Variants in CAPS2 observed in about 807,000 individuals in gnomAD.
CAPS2 encodes the protein calcyphosine 2, also known as calcyphosin-2.
CAPS2 carries 98 observed loss-of-function variants against 86.5 expected under a neutral mutation model. That is an observed-to-expected ratio of 1.13 (90% confidence interval 0.96 to 1.34). CAPS2 has a LOEUF of 1.34. Ranked by LOEUF, CAPS2 falls within the 40% of genes most tolerant of loss-of-function variation. The pLI, the probability that CAPS2 is intolerant of heterozygous loss-of-function variation, is 0.00. For missense variants in CAPS2, 729 were observed against 686.8 expected (o/e 1.06, Z -0.69); for synonymous variants, 210 against 225.1 (o/e 0.93, Z 0.60).
At chr12:75,280,519 G>A (rs1033158845) in intron 16 of CAPS2, among the ~76,000 whole-genome samples, 1 of 151,520 alleles carries the variant, frequency 6.6e-6, no homozygotes. Context: ...TAAAACTGAA[G>A]CTATTTTAGC....
intron 1 of CAPS2, among the ~76,000 whole-genome samples, chr12:75,366,274 A>G (rs1020589479): frequency 6.6e-6 from 1 of 152,178 alleles, no homozygotes; most frequent in Non-Finnish European, 1.5e-5. Context: ...AAGCCATAAG[A>G]TATTAATACA....
Position 75,278,994 on chromosome 12 carries a change from C to A in CAPS2, c.1684G>T (p.Glu562Ter), listed in dbSNP as rs886132002. 4 of 1,610,720 alleles carry A rather than the reference C, an allele frequency of 2.5e-6. No individual in the cohort carries two copies. In the African/African-American group the frequency reaches 5.3e-5, roughly 22 times the overall value. ...TCTTCAAATTCACCATATGACACTT[C>A]ATCAGACTTGCTGCAGGCAACTTTT... Residue 562 changes from glutamate (E) to a stop codon, truncating the protein, a stop_gained, in exon 17 of 17, where the codon GAA (glutamate) becomes TAA (stop). Transcript: ENST00000393284. LOFTEE classifies it high-confidence loss of function.
chr12:75,292,764 G>A (rs1373895977), intron 12 of CAPS2, among the ~76,000 whole-genome samples: 2 of 147,642 alleles, frequency 1.4e-5, no homozygotes, highest in Admixed American at 1.4e-4. Flanking sequence ...ATATATTCCT[G>A]TTATTAAAAA....
intron 1 of CAPS2, among the ~76,000 whole-genome samples, chr12:75,358,844 ATATAT>A (rs1198157597): frequency 7.6e-5 from 11 of 144,306 alleles, no homozygotes; most frequent in Middle Eastern, 3.6e-3. Flanking sequence ...ACAATATATA[ATATAT>A]TATATATGGT....
chr12:75,331,485 A>G (rs113434007), upstream of CAPS2, among the ~76,000 whole-genome samples: 82 of 152,332 alleles, frequency 5.4e-4, no homozygotes, highest in South Asian at 1.4e-3. Context: ...AAATTCATCT[A>G]TCCATTACCC....
At chr12:75,292,869 A>G (rs1238178829) in intron 12 of CAPS2, among the ~76,000 whole-genome samples, 2 of 151,228 alleles carry the variant, frequency 1.3e-5, no homozygotes, top group Non-Finnish European at 3.0e-5. Flanking sequence ...GGACCCTCAG[A>G]CTTTTTTAGA....
intron 7 of CAPS2, chr12:75,306,096 A>T: frequency 7.2e-7 from 1 of 1,396,908 alleles, no homozygotes; most frequent in Non-Finnish European, 1.0e-6. Context: ...GCGGCCCTGG[A>T]AGAAGCACTC....
intron 1 of CAPS2, among the ~76,000 whole-genome samples, chr12:75,366,062 G>T (rs1404622463): frequency 1.3e-5 from 2 of 152,024 alleles, no homozygotes; most frequent in African/African-American, 4.8e-5. Context: ...ACTTTACAAA[G>T]AATTTTAAAG....
At position 75,279,308 on chromosome 12, in the gene CAPS2, GT is replaced by G. The variant is rs796319705; in HGVS notation, c.1613-244del. Among the ~76,000 whole-genome samples, 11 of 151,916 alleles carry G rather than the reference GT, an allele frequency of 7.2e-5. No homozygotes were observed. In the East Asian group the frequency reaches 1.9e-3, roughly 27 times the overall value. ...CTCCAGGATCCCAGCACAGAACACA[GT>G]TTTTTTGATCATAAATTTTTAAAAA... On this transcript the variant is annotated intron_variant, in intron 16 of 16. Transcript: ENST00000393284.
upstream of CAPS2, chr12:75,334,478 T>C: frequency 3.1e-6 from 4 of 1,303,672 alleles, no homozygotes; most frequent in Non-Finnish European, 3.9e-6. Flanking sequence ...GTTTGGATGG[T>C]TGAAATTCCC....
exon 17 of CAPS2, chr12:75,278,603 A>G (rs1356496373): frequency 9.3e-7 from 1 of 1,070,012 alleles, no homozygotes; most frequent in East Asian, 6.1e-5. Context: ...CCTCTAAAAT[A>G]TACGCAAGAT....
chr12:75,334,978 T>G, upstream of CAPS2: 2 of 1,358,470 alleles, frequency 1.5e-6, no homozygotes, highest in Non-Finnish European at 2.0e-6. Flanking sequence ...TTCACGGACT[T>G]AACTTGTACT....
intron 7 of CAPS2, chr12:75,305,941 G>A (rs1179531193): frequency 1.8e-6 from 2 of 1,111,886 alleles, no homozygotes; most frequent in African/African-American, 3.1e-5. Context: ...GAAAGCGCTG[G>A]AGCCCGAGGA....
At chr12:75,283,357 T>C (rs779811285) in intron 15 of CAPS2, among the ~76,000 whole-genome samples, 1 of 152,210 alleles carries the variant, frequency 6.6e-6, no homozygotes, top group Non-Finnish European at 1.5e-5. Context: ...TGGAAGCTGT[T>C]GTAGATTGAC....
chr12:75,380,601 C>G (rs1031332850), intron 1 of CAPS2, among the ~76,000 whole-genome samples: 1 of 152,112 alleles, frequency 6.6e-6, no homozygotes, highest in African/African-American at 2.4e-5. Flanking sequence ...TGGCACCATG[C>G]TAAGTGTTAA....
rs2040630490 is a variant in CAPS2 at position 75,324,968 on chromosome 12, A to C, written c.131+271T>G. 4.6e-5 allele frequency among the ~76,000 whole-genome samples: 7 copies of C among 152,126 alleles called. 1 individual carries two copies. Among genetic ancestry groups the C allele is most frequent in the Admixed American group, 4.6e-4 (7 of 15,268 alleles). On this transcript the variant is annotated intron_variant, in intron 2 of 16. Coordinates refer to ENST00000393284, the Ensembl canonical transcript of CAPS2. ...ATGAATGCATATAGCTGAATTTTCC[A>C]AATAAACAAATATTTTCACTTTTTC...
intron 9 of CAPS2, among the ~76,000 whole-genome samples, chr12:75,299,351 T>C (rs1358990497): frequency 6.6e-6 from 1 of 152,102 alleles, no homozygotes; most frequent in Non-Finnish European, 1.5e-5. Flanking sequence ...ACAAATAAAA[T>C]AATTTAAAAT....
chr12:75,373,152 AGCCTTGGTGAGTGGAAGTCCATGAT>A (rs2044466396), intron 1 of CAPS2, among the ~76,000 whole-genome samples: 1 of 152,198 alleles, frequency 6.6e-6, no homozygotes, highest in Non-Finnish European at 1.5e-5. Context: ...TAGCCAGGTC[AGCCTTGGTGAGTGGAAGTCCATGAT>A]GCTGAGCCCA....
rs376898462 is a variant in CAPS2, at chr12:75,382,621, C to G, written c.-395+8217G>C. On this transcript the variant is annotated intron_variant, in intron 1 of 5. Transcript: ENST00000551829. ...TGCCACTGCACTCCAGCCTGGGCGA[C>G]AGAGTGAGACTCCATCTCAAAAAAA... 3.4e-5 allele frequency among the ~76,000 whole-genome samples: 5 copies of G among 147,984 alleles called. No homozygotes were observed. In the East Asian group the frequency reaches 1.0e-3, roughly 30 times the overall value.
Sources: allele counts gnomAD v4.1 joint callset (sites outside exome capture counted in the v4.1 genomes callset), GRCh38; gene constraint gnomAD v4.1.1; transcripts MANE v1.5; gene names NCBI Gene and HGNC (gene_info 2026-07-23, HGNC 2026-07-21).